PTPRT: variants seen among roughly 807,000 people sequenced by gnomAD.
PTPRT encodes receptor-type tyrosine-protein phosphatase T.
Under a neutral mutation model 176.8 loss-of-function variants are expected in PTPRT, and 56 were observed. The ratio of observed to expected loss-of-function variants is 0.32; its 90% CI spans 0.26 to 0.40. The LOEUF (loss-of-function observed/expected upper bound fraction) is 0.40. Ranked by LOEUF, PTPRT falls within the 10% of genes least tolerant of loss-of-function variation. The pLI, the probability that PTPRT is intolerant of heterozygous loss-of-function variation, is 1.00. For missense variants in PTPRT, 1,540 were observed against 1,908.2 expected (o/e 0.81, Z 3.60); for synonymous variants, 783 against 739.0 (o/e 1.06, Z -0.96).
chr20:42,234,534 C>A (rs912350961), intron 15 of PTPRT, among the ~76,000 whole-genome samples: 6 of 152,196 alleles, frequency 3.9e-5, no homozygotes, highest in Non-Finnish European at 5.9e-5. Context: ...TCTCTGAATA[C>A]ACTGATACCT....
intron 9 of PTPRT, among the ~76,000 whole-genome samples, chr20:42,418,002 A>G (rs2059082272): frequency 6.6e-6 from 1 of 152,118 alleles, no homozygotes; most frequent in Non-Finnish European, 1.5e-5. Flanking sequence ...TCTCACACAT[A>G]AGCTCATTTT....
chr20:42,078,538 A>G lies in PTPRT; in HGVS notation c.*2341T>C. 1 of 196,526 alleles carries G rather than the reference A, an allele frequency of 5.1e-6. No individual in the cohort carries two copies. 12.2% of individuals were successfully genotyped at this position (196,526 alleles called of 1,614,324 possible). On this transcript the variant is annotated 3_prime_UTR_variant, in exon 31 of 31. Transcript: ENST00000373187. ...TTTCACAGTGTCTGATGAAAGGAAAAGAGGCAGCCCCATTGGCCCAGAAGG... is the reference window on the plus strand; with the variant it reads ...TTTCACAGTGTCTGATGAAAGGAAAGGAGGCAGCCCCATTGGCCCAGAAGG...
downstream of PTPRT, among the ~76,000 whole-genome samples, chr20:42,072,141 T>G (rs947300833): frequency 6.6e-6 from 1 of 152,182 alleles, no homozygotes; most frequent in African/African-American, 2.4e-5. Context: ...GCTCCTGCTA[T>G]TATCATGAGG....
intron 7 of PTPRT, among the ~76,000 whole-genome samples, chr20:42,638,391 C>T (rs535608785): frequency 6.6e-6 from 1 of 152,054 alleles, no homozygotes; most frequent in Non-Finnish European, 1.5e-5. Context: ...GGGATGTGTG[C>T]TTTTGAAGAT....
intron 7 of PTPRT, among the ~76,000 whole-genome samples, chr20:42,633,467 T>C (rs1465052670): frequency 1.3e-5 from 2 of 151,890 alleles, no homozygotes; most frequent in Admixed American, 1.3e-4. Context: ...AACACTTCGT[T>C]GTAAGTTGAC....
At chr20:42,230,532 G>T (rs1324908574) in intron 15 of PTPRT, among the ~76,000 whole-genome samples, 1 of 152,154 alleles carries the variant, frequency 6.6e-6, no homozygotes, top group East Asian at 1.9e-4. Context: ...GGCAAAAAGG[G>T]ATCCCAGAGA....
At position 42,732,166 on chromosome 20, in the gene PTPRT, T is replaced by A. The variant is rs572182344; in HGVS notation, c.859+24296A>T. On this transcript the variant is annotated intron_variant, in intron 6 of 30. Transcript: ENST00000373187. ...GCTATTTAAACTTTTCTAAAAAAAA[T>A]AAATAAAATTTAAAATTCCATTCCT... Among the ~76,000 whole-genome samples, 1,247 of 146,824 alleles carry A rather than the reference T, an allele frequency of 8.5e-3. 19 individuals carry two copies. The highest frequency in any genetic ancestry group is 0.03 in the African/African-American group (1,194 of 39,952).
At chr20:42,163,001 A>C (rs1569550) in intron 16 of PTPRT, among the ~76,000 whole-genome samples, 46,632 of 152,180 alleles carry the variant, frequency 0.31, 9,423 homozygotes, top group African/African-American at 0.57. Flanking sequence ...CATTGAAAGT[A>C]CAGCTGTTGG....
chr20:42,668,148 A>G (rs1387972307), intron 7 of PTPRT, among the ~76,000 whole-genome samples: 1 of 152,196 alleles, frequency 6.6e-6, no homozygotes, highest in Non-Finnish European at 1.5e-5. Flanking sequence ...GGGGAAAGAA[A>G]AAAAGTTAAA....
the PTPRT span, among the ~76,000 whole-genome samples, chr20:42,057,013 C>T: frequency 6.6e-6 from 1 of 152,214 alleles, no homozygotes; most frequent in African/African-American, 2.4e-5. Context: ...TTCTCATACA[C>T]TCTTCTAGCT....
intron 2 of PTPRT, among the ~76,000 whole-genome samples, chr20:42,859,347 T>C (rs1600484573): frequency 6.6e-6 from 1 of 152,288 alleles, no homozygotes; most frequent in African/African-American, 2.4e-5. Context: ...ACATAAAGTG[T>C]ACATTTATCT....
At chr20:43,062,269 G>C (rs1987496368) in intron 1 of PTPRT, among the ~76,000 whole-genome samples, 1 of 152,168 alleles carries the variant, frequency 6.6e-6, no homozygotes, top group African/African-American at 2.4e-5. Flanking sequence ...CAAAAACAAA[G>C]AAAAGCCTTC....
At chr20:42,508,662 T>C (rs528564012) in intron 7 of PTPRT, among the ~76,000 whole-genome samples, 164 of 151,902 alleles carry the variant, frequency 1.1e-3, no homozygotes, top group Non-Finnish European at 2.1e-3. Context: ...TAAGTAACTT[T>C]CCCATCGTGC....
intron 1 of PTPRT, among the ~76,000 whole-genome samples, chr20:43,055,804 G>A (rs779992707): frequency 1.3e-5 from 2 of 152,102 alleles, no homozygotes; most frequent in Non-Finnish European, 2.9e-5. Context: ...TACAATAGCA[G>A]TTGTACTGTG....
chr20:42,368,349 G>C (rs1483987986), intron 9 of PTPRT, among the ~76,000 whole-genome samples: 3 of 152,132 alleles, frequency 2.0e-5, no homozygotes, highest in Non-Finnish European at 4.4e-5. Flanking sequence ...GACATCAAAG[G>C]TTATTGTAAG....
intron 1 of PTPRT, among the ~76,000 whole-genome samples, chr20:43,036,991 A>G (rs1986407665): frequency 2.0e-5 from 3 of 152,240 alleles, no homozygotes; most frequent in African/African-American, 7.2e-5. Context: ...GTTCTTTTCA[A>G]AAGACCATAA....
At chr20:42,229,578 G>C (rs367776708) in intron 15 of PTPRT, among the ~76,000 whole-genome samples, 2 of 152,204 alleles carry the variant, frequency 1.3e-5, no homozygotes, top group Admixed American at 6.5e-5. Flanking sequence ...CTGATGATGT[G>C]AAAAGGCATT....
chr20:42,251,139 TAG>T (rs962516079), intron 13 of PTPRT, among the ~76,000 whole-genome samples: 39 of 152,288 alleles, frequency 2.6e-4, no homozygotes, highest in Middle Eastern at 3.4e-3. Context: ...TCAATATTGA[TAG>T]AGTCTTTTTA....
chr20:42,916,719 T>C (rs997704517), intron 1 of PTPRT, among the ~76,000 whole-genome samples: 12 of 152,356 alleles, frequency 7.9e-5, no homozygotes, highest in African/African-American at 2.4e-4. Flanking sequence ...TGGCCAGTGA[T>C]GGTGAGCATT....
Sources: allele counts gnomAD v4.1 joint callset (sites outside exome capture counted in the v4.1 genomes callset), GRCh38; gene constraint gnomAD v4.1.1; transcripts MANE v1.5; gene names NCBI Gene and HGNC (gene_info 2026-07-23, HGNC 2026-07-21).